The following FOXP2 variants were observed in gnomAD, a reference collection of about 807,000 sequenced individuals.
FOXP2 encodes forkhead box P2.
FOXP2 carries 12 observed loss-of-function variants against 115.8 expected under a neutral mutation model. The ratio of observed to expected loss-of-function variants is 0.10; its 90% CI spans 0.07 to 0.17. FOXP2 has a LOEUF of 0.17. FOXP2 is among the 10% of genes least tolerant of loss of function. The pLI, the probability that FOXP2 is intolerant of heterozygous loss-of-function variation, is 1.00. For missense variants in FOXP2, 629 were observed against 843.5 expected (o/e 0.75, Z 3.15); for synonymous variants, 328 against 297.7 (o/e 1.10, Z -1.05).
chr7:114,153,577 C>G (rs1048179874), intron 1 of FOXP2, among the ~76,000 whole-genome samples: 1 of 152,090 alleles, frequency 6.6e-6, no homozygotes, highest in African/African-American at 2.4e-5. Flanking sequence ...TCTTTCCTGA[C>G]CTTTTAACCT....
chr7:114,575,731 A>T (rs552696977), intron 3 of FOXP2, among the ~76,000 whole-genome samples: 1 of 152,038 alleles, frequency 6.6e-6, no homozygotes, highest in Admixed American at 6.6e-5. Context: ...TAGGAAATAC[A>T]TGCAGCAATG....
At chr7:114,266,232 C>T (rs1378079880) in intron 1 of FOXP2, among the ~76,000 whole-genome samples, 1 of 152,176 alleles carries the variant, frequency 6.6e-6, no homozygotes, top group African/African-American at 2.4e-5. Context: ...CAACCTCTTC[C>T]TATTACCCAG....
chr7:114,383,173 T>A (rs1181945574), intron 2 of FOXP2, among the ~76,000 whole-genome samples: 1 of 152,194 alleles, frequency 6.6e-6, no homozygotes, highest in African/African-American at 2.4e-5. Context: ...TCTCTCCATG[T>A]CAGATTAAAG....
chr7:114,308,803 G>A (rs1361594751), intron 2 of FOXP2, among the ~76,000 whole-genome samples: 1 of 152,156 alleles, frequency 6.6e-6, no homozygotes, highest in Admixed American at 6.5e-5. Context: ...TTAAGTTTCA[G>A]GGCCACAATA....
chr7:114,525,141 C>T (rs1308329866), intron 2 of FOXP2, among the ~76,000 whole-genome samples: 1 of 152,102 alleles, frequency 6.6e-6, no homozygotes, highest in Non-Finnish European at 1.5e-5. Context: ...AATGTACATA[C>T]CTTTTTAGCA....
intron 2 of FOXP2, among the ~76,000 whole-genome samples, chr7:114,381,411 T>C (rs760836156): frequency 1.3e-5 from 2 of 151,976 alleles, no homozygotes; most frequent in South Asian, 4.2e-4. Context: ...AGGACAAGAG[T>C]GTCCAGGTAT....
chr7:114,289,716 A>G (rs2129176244), intron 2 of FOXP2, among the ~76,000 whole-genome samples: 1 of 152,080 alleles, frequency 6.6e-6, no homozygotes, highest in East Asian at 1.9e-4. Flanking sequence ...CTGATTTTGG[A>G]ATGTGCTACT....
At chr7:114,675,628 TATC>T (rs1269277307) in intron 16 of FOXP2, among the ~76,000 whole-genome samples, 2 of 152,174 alleles carry the variant, frequency 1.3e-5, no homozygotes, top group African/African-American at 2.4e-5. Flanking sequence ...TACAAAGAGT[TATC>T]ATCATTAATT....
intron 1 of FOXP2, among the ~76,000 whole-genome samples, chr7:114,248,206 G>GAGAGAGAGAC (rs1554354807): frequency 2.7e-5 from 4 of 150,884 alleles, no homozygotes; most frequent in Non-Finnish European, 4.4e-5. Context: ...GAGAGAGAGA[G>GAGAGAGAGAC]AGAGAGACAG....
chr7:114,212,387 A>G (rs1052163930), intron 1 of FOXP2, among the ~76,000 whole-genome samples: 2 of 152,068 alleles, frequency 1.3e-5, no homozygotes, highest in Admixed American at 1.3e-4. Context: ...TTATATGCCA[A>G]CTATTCTTTA....
In FOXP2 at chr7:114,385,825, A is replaced by G. The variant is rs375602027; in HGVS notation, c.-10-40677A>G. Among the ~76,000 whole-genome samples, 517 of 152,148 alleles carry G rather than the reference A, an allele frequency of 3.4e-3. 4 individuals are homozygous for G. The highest frequency in any genetic ancestry group is 4.9e-3 in the Non-Finnish European group (336 of 67,994). On this transcript the variant is annotated intron_variant, in intron 2 of 17. Transcript: ENST00000634411. ...AGAGCTCCCAAGATGGTGGCGAGCC[A>G]CTTCCAAGATGGTGGCGGGCCGCTT...
intron 1 of FOXP2, among the ~76,000 whole-genome samples, chr7:114,256,294 A>G (rs1795611336): frequency 6.6e-6 from 1 of 151,964 alleles, no homozygotes; most frequent in African/African-American, 2.4e-5. Flanking sequence ...TTTAGTAGAG[A>G]CAGGGTTTCT....
intron 2 of FOXP2, among the ~76,000 whole-genome samples, chr7:114,386,417 A>C (rs1792455514): frequency 6.6e-6 from 1 of 152,200 alleles, no homozygotes; most frequent in African/African-American, 2.4e-5. Context: ...TAATAGTGTA[A>C]TTTGTTTACC....
rs572417054 is a variant in FOXP2 at position 114,321,853 on chromosome 7, T to C, written c.-11+33744T>C. Among the ~76,000 whole-genome samples, 45 of 152,218 alleles carry C rather than the reference T, an allele frequency of 3.0e-4. No individual in the cohort carries two copies. In the South Asian group the frequency reaches 7.5e-3, roughly 25 times the overall value. On this transcript the variant is annotated intron_variant, in intron 2 of 17. Coordinates refer to the FOXP2 transcript ENST00000634411. ...CAAAGTAAATACTTTTATTTACAGT[T>C]TGTATATGAGAAAGCTTAGACTAAG...
chr7:114,565,444 T>G (rs746215478), intron 3 of FOXP2, among the ~76,000 whole-genome samples: 1 of 152,144 alleles, frequency 6.6e-6, no homozygotes, highest in Non-Finnish European at 1.5e-5. Flanking sequence ...ATAGACCTTC[T>G]AAACCACAAT....
At chr7:114,195,807 T>A (rs1369222599) in intron 1 of FOXP2, among the ~76,000 whole-genome samples, 2 of 152,092 alleles carry the variant, frequency 1.3e-5, no homozygotes, top group Non-Finnish European at 2.9e-5. Context: ...ATCAAATATA[T>A]TCAAAATAAA....
chr7:114,093,161 T>C (rs1318172201), intron 1 of FOXP2, among the ~76,000 whole-genome samples: 2 of 152,146 alleles, frequency 1.3e-5, no homozygotes, highest in Admixed American at 6.6e-5. Flanking sequence ...TCATTTGGCC[T>C]ACTGTGGACA....
At chr7:114,502,515 A>G (rs1797612691) in intron 2 of FOXP2, among the ~76,000 whole-genome samples, 1 of 152,082 alleles carries the variant, frequency 6.6e-6, no homozygotes, top group African/African-American at 2.4e-5. Context: ...GTATAAGTTC[A>G]CAGTTGTAGC....
Position 114,319,733 on chromosome 7 carries a change from C to A in FOXP2, c.-11+31624C>A, listed in dbSNP as rs114430726. Reference sequence around the variant, plus strand: ...ATGAGATTTGGATGGGGACACACAGCCAAACCATATGAACTACCAAAATAT... The same window carrying A: ...ATGAGATTTGGATGGGGACACACAGACAAACCATATGAACTACCAAAATAT... On this transcript the variant is annotated intron_variant, in intron 2 of 17. Transcript: ENST00000634411. Among the ~76,000 whole-genome samples, 683 of 152,166 alleles carry A rather than the reference C, an allele frequency of 4.5e-3. 5 individuals carry two copies. Among genetic ancestry groups the A allele is most frequent in the African/African-American group, 0.015 (641 of 41,500 alleles).
Sources: allele counts gnomAD v4.1 joint callset (sites outside exome capture counted in the v4.1 genomes callset), GRCh38; gene constraint gnomAD v4.1.1; transcripts MANE v1.5; gene names NCBI Gene and HGNC (gene_info 2026-07-23, HGNC 2026-07-21).